AGMO: variants seen among roughly 807,000 people sequenced by gnomAD.
The protein encoded by AGMO is alkylglycerol monooxygenase.
Under a neutral mutation model 60.2 loss-of-function variants are expected in AGMO, and 75 were observed. The ratio of observed to expected loss-of-function variants is 1.25; its 90% confidence interval spans 1.03 to 1.51. The LOEUF is 1.51. Ranked by LOEUF, AGMO falls within the 40% of genes most tolerant of loss-of-function variation. The pLI is 0.00. For missense variants in AGMO, 763 were observed against 525.5 expected, an observed-to-expected ratio of 1.45 and a Z score of -4.42; for synonymous variants, 261 against 177.1, an observed-to-expected ratio of 1.47 and a Z score of -3.76.
chr7:15,258,771 T>C (rs1368207951), intron 12 of AGMO, among the ~76,000 whole-genome samples: 1 of 152,014 alleles, frequency 6.6e-6, no homozygotes. Flanking sequence ...CACTCGCCAG[T>C]ACCATCCCAG....
At chr7:15,268,249 T>C (rs1466409054) in intron 12 of AGMO, among the ~76,000 whole-genome samples, 2 of 152,024 alleles carry the variant, frequency 1.3e-5, no homozygotes, top group African/African-American at 4.8e-5. Flanking sequence ...CCAGACTGTC[T>C]TTTGCATTTC....
chr7:15,286,679 A>C (rs1784109647), intron 12 of AGMO, among the ~76,000 whole-genome samples: 1 of 152,096 alleles, frequency 6.6e-6, no homozygotes, highest in South Asian at 2.1e-4. Flanking sequence ...TTCTCAAAAA[A>C]CTAAAAGAAG....
chr7:15,508,050 A>G (rs1783566199), intron 3 of AGMO, among the ~76,000 whole-genome samples: 1 of 152,100 alleles, frequency 6.6e-6, no homozygotes, highest in Admixed American at 6.6e-5. Flanking sequence ...AAGTTGAAAG[A>G]ATTTGTTACC....
chr7:15,164,976 T>C, the AGMO span, among the ~76,000 whole-genome samples: 23 of 152,148 alleles, frequency 1.5e-4, no homozygotes, highest in Admixed American at 4.6e-4. Flanking sequence ...CAAAGTCATG[T>C]AATTAACCTA....
intron 3 of AGMO, among the ~76,000 whole-genome samples, chr7:15,436,660 G>GA (rs929099659): frequency 6.9e-4 from 105 of 151,554 alleles, no homozygotes; most frequent in African/African-American, 2.3e-3. Flanking sequence ...AGTAAGAATG[G>GA]AAAAAAAAGA....
At chr7:15,468,788 T>G (rs1337994663) in intron 3 of AGMO, among the ~76,000 whole-genome samples, 1 of 152,136 alleles carries the variant, frequency 6.6e-6, no homozygotes, top group African/African-American at 2.4e-5. Flanking sequence ...CTGAAGCTTG[T>G]GCACGTTTGT....
At chr7:15,227,671 C>T (rs1237103666) in intron 12 of AGMO, among the ~76,000 whole-genome samples, 4 of 152,168 alleles carry the variant, frequency 2.6e-5, no homozygotes, top group South Asian at 2.1e-4. Flanking sequence ...TTCACGGTAA[C>T]GCCTCCTGAA....
intron 12 of AGMO, among the ~76,000 whole-genome samples, chr7:15,327,819 T>C (rs1480931185): frequency 6.7e-6 from 1 of 149,260 alleles, no homozygotes; most frequent in Non-Finnish European, 1.5e-5. Flanking sequence ...GCAGTGGCTA[T>C]AGTGTTGCCA....
the AGMO span, among the ~76,000 whole-genome samples, chr7:15,187,545 G>A: frequency 6.6e-6 from 1 of 152,142 alleles, no homozygotes; most frequent in Non-Finnish European, 1.5e-5. Flanking sequence ...TAGCATGCCA[G>A]TGTCCATATT....
At chr7:15,405,828 C>A (rs950555542) in intron 5 of AGMO, among the ~76,000 whole-genome samples, 1 of 151,604 alleles carries the variant, frequency 6.6e-6, no homozygotes, top group Non-Finnish European at 1.5e-5. Context: ...GAGAACAAAG[C>A]AGTAAACAAG....
At chr7:15,420,145 C>T (rs1780887724) in intron 4 of AGMO, among the ~76,000 whole-genome samples, 1 of 151,880 alleles carries the variant, frequency 6.6e-6, no homozygotes, top group South Asian at 2.1e-4. Context: ...TTATAATTTC[C>T]CAAAGTGTGG....
At chr7:15,226,358 T>C (rs955897673) in intron 12 of AGMO, among the ~76,000 whole-genome samples, 3 of 152,112 alleles carry the variant, frequency 2.0e-5, no homozygotes, top group Admixed American at 1.3e-4. Context: ...ATGTCAGACA[T>C]GACCTTAGAA....
At chr7:15,212,640 T>A (rs906031029) in intron 12 of AGMO, among the ~76,000 whole-genome samples, 1 of 152,000 alleles carries the variant, frequency 6.6e-6, no homozygotes, top group African/African-American at 2.4e-5. Flanking sequence ...CTAGCACAGC[T>A]ATCTTAACAA....
chr7:15,346,524 C>A (rs970670558), intron 12 of AGMO, among the ~76,000 whole-genome samples: 31 of 150,088 alleles, frequency 2.1e-4, no homozygotes, highest in African/African-American at 2.4e-5. Flanking sequence ...TTCATTAATC[C>A]TTCTTAAATA....
chr7:15,256,841 G>A (rs1361739405), intron 12 of AGMO, among the ~76,000 whole-genome samples: 1 of 152,146 alleles, frequency 6.6e-6, no homozygotes, highest in Non-Finnish European at 1.5e-5. Flanking sequence ...ACTCTATGAT[G>A]TTCACCAACA....
chr7:15,507,363 G>A (rs531498331), intron 3 of AGMO, among the ~76,000 whole-genome samples: 2 of 152,062 alleles, frequency 1.3e-5, no homozygotes, highest in East Asian at 1.9e-4. Context: ...ACAACACTAC[G>A]GCTCAATTTA....
chr7:15,460,446 T>G (rs925502961), intron 3 of AGMO, among the ~76,000 whole-genome samples: 1 of 152,186 alleles, frequency 6.6e-6, no homozygotes, highest in African/African-American at 2.4e-5. Flanking sequence ...TTTAAGGCTA[T>G]GTTTTCTTTA....
At chr7:15,240,609 T>C (rs1782561083) in intron 12 of AGMO, among the ~76,000 whole-genome samples, 1 of 152,206 alleles carries the variant, frequency 6.6e-6, no homozygotes, top group Admixed American at 6.5e-5. Context: ...AACCTGAGAA[T>C]GTTATATAAA....
intron 12 of AGMO, among the ~76,000 whole-genome samples, chr7:15,362,717 G>A (rs1442176686): frequency 6.6e-6 from 1 of 152,044 alleles, no homozygotes; most frequent in Non-Finnish European, 1.5e-5. Context: ...TCTTTTCCTT[G>A]GATCATAAAC....
Sources: gnomAD v4.1 joint callset for allele counts (sites outside exome capture counted in the v4.1 genomes callset) on GRCh38, gnomAD v4.1.1 for gene constraint, MANE v1.5 for transcripts, NCBI Gene and HGNC (gene_info 2026-07-23, HGNC 2026-07-21) for gene names.